ARFIP1: variants seen among roughly 807,000 people sequenced by gnomAD.
ARFIP1 encodes the protein arfaptin-1.
Under a neutral mutation model 42.5 loss-of-function variants are expected in ARFIP1, and 24 were observed. The ratio of observed to expected loss-of-function variants is 0.57; its 90% CI spans 0.41 to 0.80. The LOEUF is 0.80. Among genes scored for constraint, ARFIP1 ranks in the 30% least tolerant of loss-of-function variants. The pLI is 0.00. For synonymous variants in ARFIP1, 141 were observed against 153.7 expected (o/e 0.92, Z 0.61); for missense variants, 354 against 434.0 (o/e 0.82, Z 1.64).
chr4:152,874,734 G>A (rs1735182608), intron 5 of ARFIP1, among the ~76,000 whole-genome samples: 1 of 152,154 alleles, frequency 6.6e-6, no homozygotes, highest in Non-Finnish European at 1.5e-5. Flanking sequence ...GTATGATCAT[G>A]GATCACTGCA....
chr4:152,790,871 C>A (rs555207660), intron 1 of ARFIP1, among the ~76,000 whole-genome samples: 1 of 151,104 alleles, frequency 6.6e-6, no homozygotes, highest in Non-Finnish European at 1.5e-5. Context: ...TCACTGGGAC[C>A]CCAGGTGCGT....
intron 7 of ARFIP1, among the ~76,000 whole-genome samples, chr4:152,885,467 T>G (rs577855161): frequency 4.5e-4 from 68 of 152,128 alleles, no homozygotes; most frequent in Non-Finnish European, 8.4e-4. Context: ...CTAGAAGTTT[T>G]ACATAAGCCA....
intron 6 of ARFIP1, among the ~76,000 whole-genome samples, chr4:152,882,062 C>T (rs1735888733): frequency 6.6e-6 from 1 of 152,114 alleles, no homozygotes; most frequent in Admixed American, 6.6e-5. Flanking sequence ...GGAAAGCTTT[C>T]ACTGCTGAAT....
chr4:152,780,892 TC>T (rs1730446944), intron 1 of ARFIP1, among the ~76,000 whole-genome samples: 1 of 152,248 alleles, frequency 6.6e-6, no homozygotes, highest in Non-Finnish European at 1.5e-5. Flanking sequence ...TGTTATTACT[TC>T]CTTTGTTTTG....
intron 5 of ARFIP1, among the ~76,000 whole-genome samples, chr4:152,874,799 G>A (rs1411041376): frequency 1.3e-5 from 2 of 152,004 alleles, no homozygotes; most frequent in African/African-American, 2.4e-5. Flanking sequence ...TGAGCAGCTG[G>A]GATACAGGCA....
chr4:152,843,438 T>C (rs1219406539), intron 2 of ARFIP1, among the ~76,000 whole-genome samples: 1 of 151,898 alleles, frequency 6.6e-6, no homozygotes, highest in African/African-American at 2.4e-5. Flanking sequence ...TCAGCTGTAG[T>C]AATGTGGAGA....
At chr4:152,820,278 T>G (rs1209146296) in intron 1 of ARFIP1, among the ~76,000 whole-genome samples, 1 of 152,068 alleles carries the variant, frequency 6.6e-6, no homozygotes. Flanking sequence ...CACCTCCTAC[T>G]GGCATAAACC....
chr4:152,872,427 G>T, intron 4 of ARFIP1, 25 bp from the exon 5 acceptor site: 1 of 1,460,920 alleles, frequency 6.8e-7, no homozygotes, highest in East Asian at 2.3e-5. Context: ...TCTGGATTGT[G>T]TTTTTATCTT....
intron 8 of ARFIP1, among the ~76,000 whole-genome samples, chr4:152,905,938 G>T (rs952902992): frequency 6.6e-6 from 1 of 151,916 alleles, no homozygotes; most frequent in Non-Finnish European, 1.5e-5. Context: ...TTTCACTTTT[G>T]TGTCTTTTGA....
At chr4:152,879,701 T>C (rs1046131933) in intron 5 of ARFIP1, among the ~76,000 whole-genome samples, 12 of 151,776 alleles carry the variant, frequency 7.9e-5, no homozygotes, top group East Asian at 5.8e-4. Context: ...AATACAAAAT[T>C]AGCCACGTGT....
Position 152,863,606 on chromosome 4 carries a change from G to T in ARFIP1, c.94G>T (p.Asp32Tyr). The change falls in exon 3 of 9, where the codon GAT (aspartate) becomes TAT (tyrosine). Residue 32 changes from aspartate (D) to tyrosine (Y), a missense_variant and splice_region_variant. Asp to Tyr is a radical substitution (Grantham distance 160). Coordinates refer to ENST00000353617, the MANE Select transcript of ARFIP1 (RefSeq NM_001025595.3). ...TTTCTTTTATTTAAATCTTGCTAAG[G>T]ATTTGAAGCATTCATTACCATCTGG... is the stretch of plus-strand genomic sequence containing the variant. ...DDSREHSFNR[D>Y]LKHSLPSGLG... The T allele has an allele frequency of 6.4e-7, 1 of 1,564,718 alleles. No homozygotes were observed. Among genetic ancestry groups the T allele is most frequent in the Admixed American group, 1.7e-5 (1 of 59,298 alleles).
chr4:152,862,334 A>G (rs1384232513), intron 2 of ARFIP1, among the ~76,000 whole-genome samples: 1 of 152,148 alleles, frequency 6.6e-6, no homozygotes, highest in Non-Finnish European at 1.5e-5. Context: ...TATTGAATGC[A>G]CACTGATCAT....
intron 2 of ARFIP1, among the ~76,000 whole-genome samples, chr4:152,856,987 T>C (rs548201336): frequency 1.3e-5 from 2 of 152,302 alleles, no homozygotes; most frequent in South Asian, 2.1e-4. Flanking sequence ...CTGGAAACCA[T>C]TGATTTTAGA....
intron 1 of ARFIP1, among the ~76,000 whole-genome samples, chr4:152,793,171 T>C (rs1314287150): frequency 6.6e-6 from 1 of 151,966 alleles, no homozygotes; most frequent in Non-Finnish European, 1.5e-5. Flanking sequence ...TAAGTCTTGT[T>C]ACTCCCATGT....
rs1212104566 is a variant in ARFIP1 at position 152,804,314 on chromosome 4, CAT to C, written c.-10+24090_-10+24091del. ...TATTATATATATTATATATATATAA[CAT>C]AACATGTATTATATATATTTTATAT... On this transcript the variant is annotated intron_variant, in intron 1 of 8. Coordinates refer to ENST00000353617, the MANE Select transcript of ARFIP1 (RefSeq NM_001025595.3). Among the ~76,000 whole-genome samples the C allele has an allele frequency of 9.3e-5, 3 of 32,424 alleles. 1 individual carries two copies. Among genetic ancestry groups the C allele is most frequent in the African/African-American group, 1.4e-4 (1 of 7,136 alleles). The allele number at this position is 32,424 out of a possible 152,430, so 21.3% of individuals were successfully genotyped here.
At chr4:152,811,816 G>C (rs1729489129) in intron 1 of ARFIP1, among the ~76,000 whole-genome samples, 2 of 152,066 alleles carry the variant, frequency 1.3e-5, no homozygotes, top group South Asian at 4.1e-4. Context: ...TTTGTCCAGG[G>C]AGATAACATG....
At chr4:152,804,127 AT>A (rs1340472849) in intron 1 of ARFIP1, among the ~76,000 whole-genome samples, 2 of 121,288 alleles carry the variant, frequency 1.6e-5, no homozygotes, top group Admixed American at 1.9e-4. Context: ...TGTATTATAT[AT>A]TATATATAAT....
intron 1 of ARFIP1, among the ~76,000 whole-genome samples, chr4:152,811,717 C>T (rs1049530659): frequency 1.3e-5 from 2 of 152,068 alleles, no homozygotes; most frequent in African/African-American, 4.8e-5. Context: ...AATTATGTCC[C>T]AAAGCATTTT....
chr4:152,851,271 C>T (rs957540284), intron 2 of ARFIP1, among the ~76,000 whole-genome samples: 2 of 152,074 alleles, frequency 1.3e-5, no homozygotes, highest in Non-Finnish European at 2.9e-5. Context: ...AAATGTTGTG[C>T]TAGGCCAAGT....
Sources: gnomAD v4.1 joint callset for allele counts (sites outside exome capture counted in the v4.1 genomes callset) on GRCh38, gnomAD v4.1.1 for gene constraint, MANE v1.5 for transcripts, NCBI Gene and HGNC (gene_info 2026-07-23, HGNC 2026-07-21) for gene names.